Variants in DIP2C observed in about 807,000 individuals in gnomAD.
The protein encoded by DIP2C is disco-interacting protein 2 homolog C.
DIP2C carries 33 observed loss-of-function variants against 192.4 expected under a neutral mutation model. The observed-to-expected ratio is 0.17, with a 90% CI of 0.13 to 0.23. DIP2C has a LOEUF of 0.23. DIP2C is among the 10% of genes least tolerant of loss of function. DIP2C has a pLI of 1.00. For synonymous variants in DIP2C, 979 were observed against 864.1 expected, an observed-to-expected ratio of 1.13 and a Z score of -2.33; for missense variants, 1,537 against 2,110.1, an observed-to-expected ratio of 0.73 and a Z score of 5.32.
intron 1 of DIP2C, among the ~76,000 whole-genome samples, chr10:585,808 C>G (rs1047989683): frequency 2.0e-5 from 3 of 152,124 alleles, no homozygotes; most frequent in African/African-American, 7.2e-5. Context: ...ACCAACAACA[C>G]TAGTTACATG....
At chr10:541,338 G>A (rs1337900124) in intron 1 of DIP2C, among the ~76,000 whole-genome samples, 1 of 152,104 alleles carries the variant, frequency 6.6e-6, no homozygotes, top group African/African-American at 2.4e-5. Flanking sequence ...CAGCTGCTCA[G>A]CCAAAAGCAA....
At chr10:489,265 G>C (rs1844248771) in intron 1 of DIP2C, among the ~76,000 whole-genome samples, 1 of 152,216 alleles carries the variant, frequency 6.6e-6, no homozygotes, top group African/African-American at 2.4e-5. Flanking sequence ...TAGACTCGCT[G>C]CAGGTTTACA....
chr10:548,911 CAAAAAAAA>C (rs61437915), intron 1 of DIP2C, among the ~76,000 whole-genome samples: 6,975 of 26,688 alleles, frequency 0.26, 324 homozygotes, highest in East Asian at 0.36. Context: ...TAGCAGCTCA[CAAAAAAAA>C]AAAAAAAAAA....
chr10:671,316 G>A (rs1297087716), intron 1 of DIP2C, among the ~76,000 whole-genome samples: 3 of 151,890 alleles, frequency 2.0e-5, no homozygotes, highest in African/African-American at 7.3e-5. Context: ...CACAGACGGA[G>A]GAAACGCCAC....
At chr10:327,396 C>T (rs1957322442) in intron 30 of DIP2C, among the ~76,000 whole-genome samples, 1 of 152,312 alleles carries the variant, frequency 6.6e-6, no homozygotes, top group South Asian at 2.1e-4. Context: ...ATTACAAACA[C>T]GTCTCAAACA....
chr10:441,918 A>G (rs1479866147), intron 3 of DIP2C, among the ~76,000 whole-genome samples: 2 of 152,200 alleles, frequency 1.3e-5, no homozygotes, highest in East Asian at 1.9e-4. Flanking sequence ...ACGCAGGCCA[A>G]TTCCTAATGG....
In DIP2C at chr10:514,142, C is replaced by T. The variant is rs112082655; in HGVS notation, c.86-27612G>A. ...GGGGACAGAGGCTTCCTGGTGCATTCGCCCTGCCAGCCGCACAGCTGGCCC... is the reference window on the plus strand; with the variant it reads ...GGGGACAGAGGCTTCCTGGTGCATTTGCCCTGCCAGCCGCACAGCTGGCCC... On this transcript the variant is annotated intron_variant, in intron 1 of 36. Transcript: ENST00000280886. Among the ~76,000 whole-genome samples the T allele has an allele frequency of 5.1e-4, 77 of 152,316 alleles. 1 individual carries two copies. Among genetic ancestry groups the T allele is most frequent in the African/African-American group, 1.7e-3 (69 of 41,582 alleles).
intron 1 of DIP2C, among the ~76,000 whole-genome samples, chr10:507,903 A>T (rs1025149564): frequency 6.6e-6 from 1 of 152,198 alleles, no homozygotes; most frequent in Non-Finnish European, 1.5e-5. Flanking sequence ...CCCAAGTTTT[A>T]AAAGACAGGA....
chr10:369,721 GGGCACCTCTGGGCACAGTGCT>G (rs1278195054), intron 17 of DIP2C, 88 bp from the exon 18 acceptor site: 1 of 1,597,634 alleles, frequency 6.3e-7, no homozygotes, highest in Non-Finnish European at 8.5e-7. Context: ...GCGGCAGGCT[GGGCACCTCTGGGCACAGTGCT>G]GGCACCCCAG....
In DIP2C at chr10:560,382, TA is replaced by T. The variant is rs549024762; in HGVS notation, c.86-73853del. Among the ~76,000 whole-genome samples, 1,267 of 145,234 alleles carry T rather than the reference TA, an allele frequency of 8.7e-3. 14 individuals carry two copies. The highest frequency in any genetic ancestry group is 0.023 in the African/African-American group (930 of 39,708). Reference sequence around the variant, plus strand: ...AAGAGACAAGCTAAACACAACCATTTAAAAAAAAAAAGAAAAAAGTGTCACT... The same window carrying T: ...AAGAGACAAGCTAAACACAACCATTTAAAAAAAAAAGAAAAAAGTGTCACT... On this transcript the variant is annotated intron_variant, in intron 1 of 36. Coordinates refer to ENST00000280886, the MANE Select transcript of DIP2C (RefSeq NM_014974.3).
chr10:303,279 C>T lies in DIP2C; in HGVS notation c.3986+6752G>A, dbSNP rs577783688. 3.0e-4 allele frequency among the ~76,000 whole-genome samples: 46 copies of T among 151,238 alleles called. No individual in the cohort carries two copies. The South Asian group carries it at 8.6e-3, about 28-fold the overall frequency. ...TGAGGCTGTAGATTGATCAACACTG[C>T]ACTTGTGAGCTAAGTCATCACCGCA... is the stretch of plus-strand genomic sequence containing the variant. On this transcript the variant is annotated intron_variant, in intron 32 of 36. Coordinates refer to ENST00000280886, the MANE Select transcript of DIP2C (RefSeq NM_014974.3).
intron 18 of DIP2C, among the ~76,000 whole-genome samples, chr10:367,749 G>A (rs1341166979): frequency 6.6e-6 from 1 of 152,238 alleles, no homozygotes; most frequent in Non-Finnish European, 1.5e-5. Flanking sequence ...GTGCTGCCTT[G>A]AGAACACCGC....
chr10:553,621 A>G (rs956561500), intron 1 of DIP2C, among the ~76,000 whole-genome samples: 4 of 152,254 alleles, frequency 2.6e-5, no homozygotes, highest in Non-Finnish European at 4.4e-5. Context: ...TGGAATTAGG[A>G]TTTAGTCCAT....
Position 378,714 on chromosome 10 carries a change from C to G in DIP2C, c.1991+3933G>C, listed in dbSNP as rs60397904. On this transcript the variant is annotated intron_variant, in intron 17 of 36. Coordinates refer to ENST00000280886, the MANE Select transcript of DIP2C (RefSeq NM_014974.3). ...GCATACACACATGAACAGATATGCA[C>G]AGACACGTGAACAGACATGCATAAA... Among the ~76,000 whole-genome samples, 583 of 150,984 alleles carry G rather than the reference C, an allele frequency of 3.9e-3. 4 individuals carry two copies. Among genetic ancestry groups the G allele is most frequent in the African/African-American group, 0.013 (539 of 40,716 alleles).
chr10:411,828 C>T (rs1016810379), intron 8 of DIP2C, among the ~76,000 whole-genome samples: 7 of 152,218 alleles, frequency 4.6e-5, no homozygotes, highest in Non-Finnish European at 7.3e-5. Flanking sequence ...AGCGTTTCTA[C>T]GCAGATGGCG....
chr10:554,869 G>A (rs1003540966), intron 1 of DIP2C, among the ~76,000 whole-genome samples: 1 of 133,592 alleles, frequency 7.5e-6, no homozygotes, highest in African/African-American at 3.8e-5. Flanking sequence ...TGATGCAGGT[G>A]TGCCCGAGAC....
intron 1 of DIP2C, among the ~76,000 whole-genome samples, chr10:601,038 A>C (rs754363311): frequency 3.9e-5 from 6 of 152,272 alleles, no homozygotes; most frequent in South Asian, 2.1e-4. Flanking sequence ...CTGCTCAGTC[A>C]ATCGTTGAGG....
intron 1 of DIP2C, among the ~76,000 whole-genome samples, chr10:514,380 C>G (rs1846218938): frequency 6.6e-6 from 1 of 152,236 alleles, no homozygotes; most frequent in South Asian, 2.1e-4. Context: ...GTCACAACAG[C>G]AACGGCCACC....
chr10:363,125 C>G lies in DIP2C; in HGVS notation c.2592+72G>C. On this transcript the variant is annotated intron_variant, in intron 21 of 36. Coordinates refer to ENST00000280886, the MANE Select transcript of DIP2C (RefSeq NM_014974.3). This position sits in a 1 kb window ranked among gnomAD's most constrained non-coding sequence, Gnocchi z 5.4. The stretch of plus-strand genomic sequence containing the variant: ...TGGGCAAAGCAACAGCTGGTCACAC[C>G]ATGATCTGAATGAAGTAAGGAGGCC... 7.2e-7 allele frequency: 1 copy of G among 1,389,318 alleles called. No individual in the cohort carries two copies. The highest frequency in any genetic ancestry group is 1.0e-6 in the Non-Finnish European group (1 of 997,900). The allele number at this position is 1,389,318 out of a possible 1,614,324, so 86.1% of individuals were successfully genotyped here.
Sources: allele counts gnomAD v4.1 joint callset (sites outside exome capture counted in the v4.1 genomes callset), GRCh38; gene constraint gnomAD v4.1.1; non-coding constraint Gnocchi (gnomAD v3.1); transcripts MANE v1.5; gene names NCBI Gene and HGNC (gene_info 2026-07-23, HGNC 2026-07-21).